The following DUX4 variants were observed in gnomAD, a reference collection of about 807,000 sequenced individuals.
DUX4 encodes the protein double homeobox 4, also known as double homeobox protein 4.
chr4:190,177,760 G>C (rs1579833272), downstream of DUX4, among the ~76,000 whole-genome samples: 8 of 151,056 alleles, frequency 5.3e-5, no homozygotes, highest in South Asian at 2.1e-4. Flanking sequence ...GCCTAGACAA[G>C]AGTCCCATCA....
downstream of DUX4, among the ~76,000 whole-genome samples, chr4:190,176,097 C>T (rs1300393740): frequency 4.4e-5 from 5 of 112,550 alleles, 2 homozygotes; most frequent in South Asian, 1.3e-3. Flanking sequence ...GTCATAAAGC[C>T]TCCTGTAGGC....
intron 1 of DUX4, among the ~76,000 whole-genome samples, chr4:190,181,109 AT>A (rs1742546048): frequency 6.8e-6 from 1 of 147,942 alleles, no homozygotes; most frequent in African/African-American, 2.5e-5. Context: ...AGCCTAGACA[AT>A]AGTTACATCA....
chr4:190,176,480 T>G (rs1296390764), downstream of DUX4, among the ~76,000 whole-genome samples: 2 of 100,104 alleles, frequency 2.0e-5, no homozygotes, highest in African/African-American at 2.9e-5. Context: ...TCACCTAGGT[T>G]ATCAGTGCAG....
At chr4:190,177,075 G>C (rs1742340440), downstream of DUX4, among the ~76,000 whole-genome samples, 2 of 147,898 alleles carry the variant, frequency 1.4e-5, no homozygotes, top group Non-Finnish European at 3.0e-5. Context: ...AGAGTATAGA[G>C]AAGAGTCCCA....
chr4:190,181,087 CCCTTTAA>C (rs1742544637), intron 1 of DUX4, among the ~76,000 whole-genome samples: 1 of 149,590 alleles, frequency 6.7e-6, no homozygotes, highest in African/African-American at 2.4e-5. Context: ...GTGACAAGGC[CCCTTTAA>C]GCAGAGCCTA....
At chr4:190,179,478 CACCT>C (rs1398242277), downstream of DUX4, among the ~76,000 whole-genome samples, 15,510 of 148,918 alleles carry the variant, frequency 0.1, 212 homozygotes, top group Non-Finnish European at 0.12. Flanking sequence ...AGAGTTATAT[CACCT>C]GGGTGATCAG....
chr4:190,179,441 A>ATGCCGTGT (rs2126577977), downstream of DUX4, among the ~76,000 whole-genome samples: 5 of 151,730 alleles, frequency 3.3e-5, 1 homozygote, highest in East Asian at 1.9e-4. Context: ...ATATGTCACA[A>ATGCCGTGT]AGCACCCTGT....
chr4:190,178,886 T>TTTG (rs1742460293), downstream of DUX4, among the ~76,000 whole-genome samples: 1 of 68,244 alleles, frequency 1.5e-5, no homozygotes, highest in African/African-American at 5.5e-5. Flanking sequence ...TCAGTGCAGA[T>TTTG]CTATGTCACA....
chr4:190,183,658 T>C lies in DUX4; in HGVS notation n.93-1683T>C, dbSNP rs1742631976. ...CATATGGGAATACTGAACACAGAAA[T>C]GAACCAATGGAAACATCCTACGTTC... On this transcript the variant is annotated intron_variant and non_coding_transcript_variant, in intron 1 of 2. Transcript: ENST00000563716. Among the ~76,000 whole-genome samples the C allele has an allele frequency of 1.8e-5, 2 of 111,160 alleles. 1 individual carries two copies. Among genetic ancestry groups the C allele is most frequent in the Non-Finnish European group, 4.2e-5 (2 of 47,166 alleles). 72.9% of individuals were successfully genotyped at this position (111,160 alleles called of 152,430 possible).
chr4:190,181,633 C>CATA (rs1742587411), intron 1 of DUX4, among the ~76,000 whole-genome samples: 44 of 124,318 alleles, frequency 3.5e-4, no homozygotes, highest in Non-Finnish European at 4.4e-4. Flanking sequence ...CAGAAAGCCC[C>CATA]CTGTAGGCAG....
At chr4:190,175,927 A>C (rs1367570226), downstream of DUX4, 3 of 124,100 alleles carry the variant, frequency 2.4e-5, no homozygotes, top group African/African-American at 8.0e-5. Context: ...GATTTACAGA[A>C]CTTCGGTGAT....
At chr4:190,181,743 T>C (rs1742592804) in intron 1 of DUX4, among the ~76,000 whole-genome samples, 1 of 97,258 alleles carries the variant, frequency 1.0e-5, no homozygotes, top group Non-Finnish European at 2.4e-5. Context: ...ACCTGGGTGA[T>C]CAGTGCAGAG....
intron 1 of DUX4, among the ~76,000 whole-genome samples, chr4:190,184,105 T>C (rs1438814932): frequency 7.7e-6 from 1 of 130,310 alleles, no homozygotes; most frequent in African/African-American, 2.5e-5. Flanking sequence ...TCATGAGAGA[T>C]GTGGCAGGAA....
downstream of DUX4, among the ~76,000 whole-genome samples, chr4:190,177,199 G>GGCAGAGCCTA (rs1742351164): frequency 1.6e-5 from 2 of 125,616 alleles, no homozygotes; most frequent in African/African-American, 3.1e-5. Flanking sequence ...CGCCCCTGTA[G>GGCAGAGCCTA]GCAGAGCCTA....
rs1308420213 is a variant in DUX4, at chr4:190,175,666, C to G, written c.*256C>G. 6.1e-6 allele frequency: 1 copy of G among 163,044 alleles called. No individual in the cohort carries two copies. The highest frequency in any genetic ancestry group is 2.6e-5 in the African/African-American group (1 of 37,766). 10.1% of individuals were successfully genotyped at this position (163,044 alleles called of 1,614,324 possible). On this transcript the variant is annotated 3_prime_UTR_variant, in exon 2 of 2. Coordinates refer to ENST00000565211, the MANE Select transcript of DUX4 (RefSeq NM_001306068.3). The stretch of plus-strand genomic sequence containing the variant: ...GGCTAGACCTGCGCGCAGTGCGCAC[C>G]CCGGCTGACGTGCAAGGGAGCTCGC...
downstream of DUX4, among the ~76,000 whole-genome samples, chr4:190,179,201 C>T (rs1195593367): frequency 0.058 from 213 of 3,692 alleles, 3 homozygotes; most frequent in South Asian, 0.17. Context: ...ACAAGTGGTA[C>T]ATCACCTGGG....
In DUX4 at chr4:190,183,102, G is replaced by T. The variant is rs1402672197; in HGVS notation, n.93-2239G>T. On this transcript the variant is annotated intron_variant and non_coding_transcript_variant, in intron 1 of 2. Coordinates refer to the DUX4 transcript ENST00000563716. ...GGTTAGGGTTATGGGTTACAGTTAGGGTTAGGGTTAGGTTTTAGGGTTAAG... is the reference window on the plus strand; with the variant it reads ...GGTTAGGGTTATGGGTTACAGTTAGTGTTAGGGTTAGGTTTTAGGGTTAAG... The T allele has an allele frequency of 1.8e-4, 8 of 45,096 alleles. 1 individual carries two copies. The highest frequency in any genetic ancestry group is 1.2e-3 in the Admixed American group (3 of 2,574). 2.8% of individuals were successfully genotyped at this position (45,096 alleles called of 1,614,324 possible).
At chr4:190,181,153 G>GT (rs1742548541) in intron 1 of DUX4, among the ~76,000 whole-genome samples, 1 of 52,118 alleles carries the variant, frequency 1.9e-5, no homozygotes, top group African/African-American at 7.4e-5. Flanking sequence ...CTGTCACAAT[G>GT]CCCCTTTAGG....
chr4:190,181,477 A>T, intron 1 of DUX4, among the ~76,000 whole-genome samples: 5 of 151,712 alleles, frequency 3.3e-5, no homozygotes, highest in African/African-American at 1.2e-4. Flanking sequence ...TGATCAGTGC[A>T]GAGATACGTC....
Sources: allele counts gnomAD v4.1 joint callset (sites outside exome capture counted in the v4.1 genomes callset), GRCh38; gene constraint gnomAD v4.1.1; transcripts MANE v1.5; gene names NCBI Gene and HGNC (gene_info 2026-07-23, HGNC 2026-07-21).